Variants in FTSJ3 observed in about 807,000 individuals in gnomAD.
FTSJ3 encodes the protein FtsJ RNA 2'-O-methyltransferase 3.
A neutral mutation model predicts 111.5 loss-of-function variants in FTSJ3; 46 were observed. The ratio of observed to expected loss-of-function variants is 0.41; its 90% CI spans 0.33 to 0.53. The LOEUF is 0.53. Ranked by LOEUF, FTSJ3 falls within the 20% of genes least tolerant of loss-of-function variation. The probability of loss-of-function intolerance (pLI) is 0.19; values close to 1 mark genes in which losing one functional copy is unlikely to be tolerated. For missense variants in FTSJ3, 1,075 were observed against 1,063.8 expected (o/e 1.01, Z -0.15); for synonymous variants, 408 against 383.0 (o/e 1.07, Z -0.76).
rs1157667275 is a variant in FTSJ3 at position 63,825,902 on chromosome 17, G to A, written c.300+154C>T. ...TATCCCTGACTCTAAATAAAGCCTGGAGTGGACACTACGAATGCCATAGGT... is the reference window on the plus strand; with the variant it reads ...TATCCCTGACTCTAAATAAAGCCTGAAGTGGACACTACGAATGCCATAGGT... On this transcript the variant is annotated intron_variant, in intron 5 of 20. Coordinates refer to ENST00000427159, the MANE Select transcript of FTSJ3 (RefSeq NM_017647.4). 5 of 683,746 alleles carry A rather than the reference G, an allele frequency of 7.3e-6. No individual in the cohort carries two copies. In the South Asian group the frequency reaches 7.4e-5, roughly 10 times the overall value. 42.4% of individuals were successfully genotyped at this position (683,746 alleles called of 1,614,324 possible).
Position 63,827,426 on chromosome 17 carries a change from C to G in FTSJ3, c.-401G>C, listed in dbSNP as rs116192337. On this transcript the variant is annotated 5_prime_UTR_variant, in exon 1 of 21. Coordinates refer to ENST00000427159, the MANE Select transcript of FTSJ3 (RefSeq NM_017647.4). ...CTCTGCCTGGTCTTCAGGTCCCAAT[C>G]CTCCGCTTCCGCGCTTGCGCGCCAA... The G allele has an allele frequency of 2.5e-4, 392 of 1,551,162 alleles. 2 individuals carry two copies. In the African/African-American group the frequency reaches 4.8e-3, roughly 19 times the overall value.
Position 63,823,943 on chromosome 17 carries a change from C to T in FTSJ3, c.1164G>A (p.Lys388=). 1 of 1,614,216 alleles carries T rather than the reference C, an allele frequency of 6.2e-7. No homozygotes were observed. The highest frequency in any genetic ancestry group is 1.7e-5 in the Admixed American group (1 of 60,030). The change falls in exon 13 of 21, where the codon AAG becomes AAA. Residue 388 remains lysine, a synonymous_variant. Coordinates refer to ENST00000427159, the MANE Select transcript of FTSJ3 (RefSeq NM_017647.4). ...QEVAELKRKK[K]KLLREQRKQR... ...GCTTTCTCTGCTCACGCAACAGCTTCTTTTTCTTCCTGAGGGGGTGGATTG... is the reference window on the plus strand; with the variant it reads ...GCTTTCTCTGCTCACGCAACAGCTTTTTTTTCTTCCTGAGGGGGTGGATTG...
chr17:63,820,757 G>A lies in FTSJ3; in HGVS notation c.2072+82C>T, dbSNP rs368595671. 12 of 965,566 alleles carry A rather than the reference G, an allele frequency of 1.2e-5. No homozygotes were observed. The Admixed American group carries it at 1.8e-4, about 15-fold the overall frequency. 59.8% of individuals were successfully genotyped at this position (965,566 alleles called of 1,614,324 possible). ...TGCACTCCAGCCTGGGCAACAGAGC[G>A]AGACTCCATCTCAAAAACAAAAAAT... On this transcript the variant is annotated intron_variant, in intron 18 of 20. Transcript: ENST00000427159.
chr17:63,823,258 T>G (rs1435787277), intron 13 of FTSJ3, among the ~76,000 whole-genome samples: 1 of 152,194 alleles, frequency 6.6e-6, no homozygotes, highest in Non-Finnish European at 1.5e-5. Context: ...CCTGGCAGCA[T>G]CTACTATAAC....
Position 63,821,986 on chromosome 17 carries a change from C to G in FTSJ3, c.1473G>C (p.Lys491Asn). The G allele has an allele frequency of 6.2e-7, 1 of 1,614,090 alleles. No individual in the cohort carries two copies. The highest frequency in any genetic ancestry group is 8.5e-7 in the Non-Finnish European group (1 of 1,179,958). Residue 491 changes from lysine to asparagine, a missense_variant and splice_region_variant, in exon 14 of 21, where the codon AAG becomes AAC. Lys to Asn is a moderately conservative substitution (Grantham distance 94). Around this residue, in one of 2 missense-constraint regions of FTSJ3, gnomAD observed 867 missense variants for 796.9 expected, o/e 1.09. Coordinates refer to ENST00000427159, the MANE Select transcript of FTSJ3 (RefSeq NM_017647.4). Reference protein sequence around the residue: ...VRGHQGLRDQKRMRLTEVQDD... With the variant: ...VRGHQGLRDQNRMRLTEVQDD... ...TTTGGTGCACACGTGCCCCTTACCG[C>G]TTTTGGTCCCTTAGACCCTGATGTC...
In FTSJ3 at chr17:63,826,948, T is replaced by C. The variant is rs763676973; in HGVS notation, c.-26-20A>G. 18 of 1,508,894 alleles carry C rather than the reference T, an allele frequency of 1.2e-5. No homozygotes were observed. The highest frequency in any genetic ancestry group is 1.7e-5 in the Admixed American group (1 of 59,816). The allele number at this position is 1,508,894 out of a possible 1,614,324, so 93.5% of individuals were successfully genotyped here. A position where few individuals can be genotyped will look rare whatever the true frequency, so the allele number is the denominator to read the frequency against. On this transcript the variant is annotated intron_variant, in intron 1 of 20. Transcript: ENST00000427159. ...CTCAATCTGGGGAGAAAGTAGAAGT[T>C]GGGAACGTCTCTTTCCGGAGCACCA... is the stretch of plus-strand genomic sequence containing the variant.
Position 63,825,238 on chromosome 17 carries a change from C to T in FTSJ3, c.595+4G>A, listed in dbSNP as rs760922897. 1.1e-5 allele frequency: 18 copies of T among 1,613,898 alleles called. No homozygotes were observed. The highest frequency in any genetic ancestry group is 3.3e-5 in the Admixed American group (2 of 59,966). On this transcript the variant is annotated splice_donor_region_variant and intron_variant, in intron 7 of 20. Transcript: ENST00000427159. ...TGGATCAAGAGAAAGGAAATGATGC[C>T]CACCTTGGCAGACTACAAAGATCTC...
chr17:63,824,997 A>G, intron 8 of FTSJ3, 51 bp downstream of exon 8: 1 of 1,592,170 alleles, frequency 6.3e-7, no homozygotes, highest in South Asian at 1.1e-5. Flanking sequence ...ACCAGGCCCA[A>G]CCTCCCTAGA....
chr17:63,825,575 T>TG lies in FTSJ3; in HGVS notation c.360dup (p.Asn121GlnfsTer5). Reference sequence around the variant, plus strand: ...TCATGGACCCAGCTAGCCCCAACGTTGGGGGCCCCATCATTGAGCACAACA... The same window carrying TG: ...TCATGGACCCAGCTAGCCCCAACGTTGGGGGGCCCCATCATTGAGCACAACA... On this transcript the variant is annotated frameshift_variant, in exon 6 of 21. Transcript: ENST00000427159. LOFTEE classifies it high-confidence loss of function. The TG allele has an allele frequency of 6.2e-7, 1 of 1,614,136 alleles. No homozygotes were observed. Among genetic ancestry groups the TG allele is most frequent in the Non-Finnish European group, 8.5e-7 (1 of 1,179,996 alleles).
Position 63,820,285 on chromosome 17 carries a change from C to T in FTSJ3, c.2226G>A (p.Val742=). 1 of 1,613,180 alleles carries T rather than the reference C, an allele frequency of 6.2e-7. No homozygotes were observed. ...REINARPIKK[V]AEAKARKKRR... ...TTTTCTTTCTAGCCTTAGCCTCAGC[C>T]ACCTTCTTGATGGGACGTGCATTGA... is the stretch of plus-strand genomic sequence containing the variant. The change falls in exon 19 of 21, where the codon GTG becomes GTA. Residue 742 remains valine (V), a synonymous_variant. Transcript: ENST00000427159.
Position 63,820,121 on chromosome 17 carries a change from G to A in FTSJ3, c.2309C>T (p.Thr770Ile), listed in dbSNP as rs758808221. 1 of 1,614,108 alleles carries A rather than the reference G, an allele frequency of 6.2e-7. No individual in the cohort carries two copies. Among genetic ancestry groups the A allele is most frequent in the South Asian group, 1.1e-5 (1 of 91,078 alleles). Residue 770 changes from threonine to isoleucine, a missense_variant, in exon 20 of 21, where the codon ACA becomes ATA. Around this residue, in one of 2 missense-constraint regions of FTSJ3, gnomAD observed 867 missense variants for 796.9 expected, o/e 1.09. Coordinates refer to ENST00000427159, the MANE Select transcript of FTSJ3 (RefSeq NM_017647.4). ...TTTCTCTCGTTCTGAGATGTCCACT[G>A]TGTTCACCACGGCTTCTGCCTTCTT... ...TRKKAEAVVNTVDISEREKVA... is the reference protein window; with the variant it reads ...TRKKAEAVVNIVDISEREKVA...
In FTSJ3 at chr17:63,824,927, A is replaced by G; in HGVS notation, c.714T>C (p.Ala238=). 1 of 1,578,128 alleles carries G rather than the reference A, an allele frequency of 6.3e-7. No individual in the cohort carries two copies. Among genetic ancestry groups the G allele is most frequent in the Non-Finnish European group, 8.6e-7 (1 of 1,162,670 alleles). ...TGAGGTCACCCTCAGCATAGCCTTC[A>G]GCCTTAGGAAGGAAAAGAGAGAAGC... ...TELVTKKKPK[A]EGYAEGDLTL... is the part of the protein sequence containing the mutation. Residue 238 remains alanine (A), a splice_region_variant and synonymous_variant, in exon 9 of 21, where the codon GCT becomes GCC. Coordinates refer to ENST00000427159, the MANE Select transcript of FTSJ3 (RefSeq NM_017647.4).
intron 3 of FTSJ3, 67 bp from the exon 4 acceptor site, chr17:63,826,371 C>A: frequency 6.8e-7 from 1 of 1,473,636 alleles, no homozygotes; most frequent in South Asian, 1.1e-5. Context: ...ACTGATCTCT[C>A]ATCCCTGGTG....
In FTSJ3 at chr17:63,823,915, G is replaced by C. The variant is rs370518967; in HGVS notation, c.1192C>G (p.Arg398Gly). The C allele has an allele frequency of 1.2e-6, 2 of 1,614,162 alleles. No individual in the cohort carries two copies. The highest frequency in any genetic ancestry group is 8.5e-7 in the Non-Finnish European group (1 of 1,180,026). Residue 398 changes from arginine (R) to glycine (G), a missense_variant, in exon 13 of 21, where the codon CGG (arginine) becomes GGG (glycine). Around this residue, in one of 2 missense-constraint regions of FTSJ3, gnomAD observed 867 missense variants for 796.9 expected, o/e 1.09. Transcript: ENST00000427159. ...KKLLREQRKQ[R>G]ERVELKMDLP... ...TCCATCTTCAGCTCCACACGCTCCC[G>C]CTGCTTTCTCTGCTCACGCAACAGC...
chr17:63,821,639 C>T lies in FTSJ3; in HGVS notation c.1601G>A (p.Ser534Asn), dbSNP rs372743428. 1.2e-6 allele frequency: 2 copies of T among 1,613,228 alleles called. No individual in the cohort carries two copies. The highest frequency in any genetic ancestry group is 3.3e-5 in the Admixed American group (2 of 59,990). ...GGCATCGTCCTCGATCCCAGCAAAG[C>T]TGCCCTGTGATAGGAGAACATCAGC... ...EQANLWFSKG[S>N]FAGIEDDADE... Residue 534 changes from serine (S) to asparagine (N), a missense_variant, in exon 16 of 21, where the codon AGC becomes AAC. Transcript: ENST00000427159.
At chr17:63,821,267 G>A in intron 16 of FTSJ3, 87 bp downstream of exon 16, 2 of 1,501,404 alleles carry the variant, frequency 1.3e-6, no homozygotes, top group Non-Finnish European at 9.1e-7. Context: ...CTCCCCATGT[G>A]CAGCCAAGAT....
chr17:63,826,338 C>G, intron 3 of FTSJ3, 34 bp from the exon 4 acceptor site: 1 of 1,605,050 alleles, frequency 6.2e-7, no homozygotes. Context: ...AAACCTAGAG[C>G]CATCCTTTTC....
At position 63,819,478 on chromosome 17, in the gene FTSJ3, G is replaced by A. The variant is rs2040024447; in HGVS notation, c.*324C>T. The stretch of plus-strand genomic sequence containing the variant: ...TCAGGAATAGGATGGGGGTGGGGAG[G>A]GCTTAAGTGGCCCACACGTCCAGGT... On this transcript the variant is annotated 3_prime_UTR_variant, in exon 21 of 21. Transcript: ENST00000427159. 1 of 267,816 alleles carries A rather than the reference G, an allele frequency of 3.7e-6. No individual in the cohort carries two copies. The highest frequency in any genetic ancestry group is 7.1e-6 in the Non-Finnish European group (1 of 140,962). 16.6% of individuals were successfully genotyped at this position (267,816 alleles called of 1,614,324 possible).
At position 63,819,899 on chromosome 17, in the gene FTSJ3, C is replaced by A. The variant is rs750381400; in HGVS notation, c.2447G>T (p.Gly816Val). Reference protein sequence around the residue: ...GVGRKVRRPAGVRGHFKVVDS... With the variant: ...GVGRKVRRPAVVRGHFKVVDS... ...CACCACCTTGAAATGACCTCTGACTCCAGCTGGCCGGCGCACTTTGCGGCC... is the reference window on the plus strand; with the variant it reads ...CACCACCTTGAAATGACCTCTGACTACAGCTGGCCGGCGCACTTTGCGGCC... The change falls in exon 21 of 21, where the codon GGA becomes GTA. Residue 816 changes from glycine (G) to valine (V), a missense_variant. This residue lies in a region of FTSJ3 where 867 missense variants were observed against 796.9 expected (regional missense o/e 1.09). Transcript: ENST00000427159. The A allele has an allele frequency of 1.4e-5, 23 of 1,614,056 alleles. No individual in the cohort carries two copies. In the African/African-American group the frequency reaches 2.5e-4, roughly 18 times the overall value.
Sources: gnomAD v4.1 joint callset for allele counts (sites outside exome capture counted in the v4.1 genomes callset) on GRCh38, gnomAD v4.1.1 for gene constraint, gnomAD v4.1.1 regional missense constraint, MANE v1.5 for transcripts, NCBI Gene and HGNC (gene_info 2026-07-23, HGNC 2026-07-21) for gene names.